HNRNPD: variants seen among roughly 807,000 people sequenced by gnomAD.
HNRNPD encodes heterogeneous nuclear ribonucleoprotein D0.
Under a neutral mutation model 47.9 loss-of-function variants are expected in HNRNPD, and 3 were observed. The ratio of observed to expected loss-of-function variants is 0.06; its 90% CI spans 0.03 to 0.16. The LOEUF (loss-of-function observed/expected upper bound fraction) is 0.16, where lower values mean the gene tolerates loss of function less well. HNRNPD is among the 10% of genes least tolerant of loss of function. The pLI is 1.00. For missense variants in HNRNPD, 287 were observed against 454.2 expected (o/e 0.63, Z 3.35); for synonymous variants, 171 against 165.1 (o/e 1.04, Z -0.28).
intron 1 of HNRNPD, among the ~76,000 whole-genome samples, chr4:82,372,426 T>C (rs927030886): frequency 4.6e-5 from 7 of 152,060 alleles, no homozygotes; most frequent in Admixed American, 1.3e-4. Context: ...CATAGCACAA[T>C]ACAGGATTTG....
chr4:82,372,986 G>C (rs188193493), intron 1 of HNRNPD: 28 of 352,010 alleles, frequency 8.0e-5, no homozygotes, highest in Admixed American at 3.2e-4. Context: ...CAATCGCATC[G>C]TTTCAGGATG....
At chr4:82,355,534 A>C (rs1723679172) in intron 7 of HNRNPD, 133 bp from the exon 8 acceptor site, 3 of 655,644 alleles carry the variant, frequency 4.6e-6, no homozygotes, top group South Asian at 3.7e-5. Flanking sequence ...CACCCTGAGC[A>C]ATCATTTATC....
At chr4:82,367,483 G>A (rs1353220740) in intron 2 of HNRNPD, among the ~76,000 whole-genome samples, 1 of 152,112 alleles carries the variant, frequency 6.6e-6, no homozygotes, top group Non-Finnish European at 1.5e-5. Context: ...AAAGTGTAAG[G>A]AAAAATCTGT....
chr4:82,361,152 AG>A (rs1324130121), intron 2 of HNRNPD, among the ~76,000 whole-genome samples: 2 of 152,232 alleles, frequency 1.3e-5, no homozygotes, highest in African/African-American at 4.8e-5. Flanking sequence ...ATTTCATGGA[AG>A]AAATTTGAGT....
rs115269569 is a variant in HNRNPD, at chr4:82,372,020, T to C, written c.234-436A>G. Among the ~76,000 whole-genome samples the C allele has an allele frequency of 9.4e-3, 1,437 of 152,192 alleles. 24 individuals carry two copies. The highest frequency in any genetic ancestry group is 0.033 in the African/African-American group (1,360 of 41,510). On this transcript the variant is annotated intron_variant, in intron 1 of 8. Transcript: ENST00000313899. ...TAATAAACCCTATATTCCAAAGTGC[T>C]TCTCCCCTCCCAACTTTCCCTCCAA...
intron 2 of HNRNPD, among the ~76,000 whole-genome samples, chr4:82,363,703 T>C (rs1464552532): frequency 1.3e-5 from 2 of 152,228 alleles, no homozygotes; most frequent in East Asian, 1.9e-4. Context: ...ATCTTAATCC[T>C]AGCTGTGAAC....
At chr4:82,356,369 T>G (rs925651813) in intron 7 of HNRNPD, 168 bp downstream of exon 7, 1 of 596,078 alleles carries the variant, frequency 1.7e-6, no homozygotes, top group Non-Finnish European at 3.0e-6. Context: ...GTGTGTGTGA[T>G]ATAGGCTGGG....
chr4:82,356,193 A>G (rs1379554202), intron 7 of HNRNPD: 1 of 191,118 alleles, frequency 5.2e-6, no homozygotes, highest in Non-Finnish European at 1.1e-5. Flanking sequence ...ATTCAGTTTT[A>G]TAGGATTAAG....
chr4:82,369,431 A>G (rs1719921773), intron 2 of HNRNPD, among the ~76,000 whole-genome samples: 1 of 152,240 alleles, frequency 6.6e-6, no homozygotes, highest in Non-Finnish European at 1.5e-5. Flanking sequence ...ATAGCTGTCC[A>G]TTCTTACATG....
intron 2 of HNRNPD, among the ~76,000 whole-genome samples, chr4:82,364,352 G>T (rs1030544613): frequency 2.0e-5 from 3 of 152,166 alleles, no homozygotes; most frequent in Non-Finnish European, 4.4e-5. Flanking sequence ...GCATACCTCA[G>T]ATATTTGCAG....
intron 2 of HNRNPD, among the ~76,000 whole-genome samples, chr4:82,367,423 A>G (rs1719821096): frequency 6.6e-6 from 1 of 152,178 alleles, no homozygotes; most frequent in Non-Finnish European, 1.5e-5. Context: ...TCAGAAAATG[A>G]TTTGTACCTT....
chr4:82,366,004 T>C (rs540525779), intron 2 of HNRNPD, among the ~76,000 whole-genome samples: 8 of 152,192 alleles, frequency 5.3e-5, no homozygotes, highest in African/African-American at 1.4e-4. Flanking sequence ...AATATAAATT[T>C]TGGTATTATT....
chr4:82,364,712 T>C (rs1578052740), intron 2 of HNRNPD, among the ~76,000 whole-genome samples: 1 of 152,224 alleles, frequency 6.6e-6, no homozygotes, highest in Admixed American at 6.5e-5. Context: ...CCTTTAAATG[T>C]AGCTTCCAAA....
chr4:82,359,928 T>C (rs1294831938), intron 2 of HNRNPD, among the ~76,000 whole-genome samples: 3 of 152,268 alleles, frequency 2.0e-5, no homozygotes, highest in Non-Finnish European at 4.4e-5. Flanking sequence ...AAGTTTTCCT[T>C]AGATTAAAAA....
intron 5 of HNRNPD, 116 bp from the exon 6 acceptor site, chr4:82,357,011 T>C (rs1723739805): frequency 2.2e-6 from 2 of 914,148 alleles, no homozygotes; most frequent in Non-Finnish European, 3.5e-6. Flanking sequence ...TTTGAAACTT[T>C]CCTCAGTCAG....
At chr4:82,367,594 TC>T (rs1296901948) in intron 2 of HNRNPD, among the ~76,000 whole-genome samples, 1 of 152,212 alleles carries the variant, frequency 6.6e-6, no homozygotes, top group Admixed American at 6.5e-5. Context: ...GAGACAGACT[TC>T]CTGGCTGTGT....
chr4:82,363,557 C>A (rs1269626781), intron 2 of HNRNPD, among the ~76,000 whole-genome samples: 2 of 152,104 alleles, frequency 1.3e-5, no homozygotes, highest in Non-Finnish European at 2.9e-5. Context: ...TAAAAACGAC[C>A]AAGACTTGTT....
chr4:82,373,717 C>G lies in HNRNPD; in HGVS notation c.-39G>C. ...CCGCCGCTGCCGCCGAGACTACACC[C>G]GCCGCTGCCGCGAACCGAAACTAGC... is the stretch of plus-strand genomic sequence containing the variant. On this transcript the variant is annotated 5_prime_UTR_variant, in exon 1 of 9. Transcript: ENST00000313899. The G allele has an allele frequency of 6.5e-7, 1 of 1,530,426 alleles. No homozygotes were observed. Among genetic ancestry groups the G allele is most frequent in the Middle Eastern group, 2.3e-4 (1 of 4,350 alleles). The allele number at this position is 1,530,426 out of a possible 1,614,324, so 94.8% of individuals were successfully genotyped here. A position where few individuals can be genotyped will look rare whatever the true frequency, so the allele number is the denominator to read the frequency against.
intron 4 of HNRNPD, chr4:82,358,054 A>G (rs1723798965): frequency 6.6e-6 from 1 of 152,308 alleles, no homozygotes; most frequent in Non-Finnish European, 1.5e-5. Flanking sequence ...AAATTTCTCA[A>G]CTTTCATTAA....
Sources: allele counts gnomAD v4.1 joint callset (sites outside exome capture counted in the v4.1 genomes callset), GRCh38; gene constraint gnomAD v4.1.1; transcripts MANE v1.5; gene names NCBI Gene and HGNC (gene_info 2026-07-23, HGNC 2026-07-21).